The following NINJ2 variants were observed in gnomAD, a reference collection of about 807,000 sequenced individuals.
The protein encoded by NINJ2 is ninjurin 2, also known as ninjurin-2.
A neutral mutation model predicts 11.7 loss-of-function variants in NINJ2; 12 were observed. The ratio of observed to expected loss-of-function variants is 1.02; its 90% CI spans 0.66 to 1.66. The LOEUF is 1.66. NINJ2 is among the 40% of genes most tolerant of loss of function. The probability of loss-of-function intolerance (pLI) is 0.00; values close to 1 mark genes in which losing one functional copy is unlikely to be tolerated. For synonymous variants in NINJ2, 93 were observed against 76.8 expected, an observed-to-expected ratio of 1.21 and a Z score of -1.10; for missense variants, 187 against 181.8, an observed-to-expected ratio of 1.03 and a Z score of -0.16.
chr12:624,828 G>C (rs888910810), intron 1 of NINJ2, among the ~76,000 whole-genome samples: 1 of 150,392 alleles, frequency 6.6e-6, no homozygotes, highest in African/African-American at 2.4e-5. Context: ...AAAAAAGATG[G>C]CTGGGCGCGG....
At chr12:613,633 C>T (rs1021417865) in intron 1 of NINJ2, among the ~76,000 whole-genome samples, 3 of 151,900 alleles carry the variant, frequency 2.0e-5, no homozygotes, top group African/African-American at 4.8e-5. Flanking sequence ...AGGCCGGGCG[C>T]GGTGGCTCAC....
At chr12:571,123 A>T (rs2607940) in intron 1 of NINJ2, among the ~76,000 whole-genome samples, 121,576 of 152,204 alleles carry the variant, frequency 0.8, 49,016 homozygotes, top group African/African-American at 0.9. Flanking sequence ...CAAGACTCAT[A>T]GCTTTGGGCT....
At chr12:621,900 G>A (rs563641312) in intron 1 of NINJ2, among the ~76,000 whole-genome samples, 1 of 152,102 alleles carries the variant, frequency 6.6e-6, no homozygotes, top group Non-Finnish European at 1.5e-5. Context: ...TTGGGAGGCC[G>A]AGGTGGGTGG....
chr12:646,891 C>G (rs1341797019), intron 1 of NINJ2, among the ~76,000 whole-genome samples: 2 of 151,982 alleles, frequency 1.3e-5, no homozygotes, highest in Non-Finnish European at 1.5e-5. Flanking sequence ...GAGTTCACCT[C>G]TGGAGAGGCG....
rs939310249 is a variant in NINJ2, at chr12:640,881, C to T, written c.33+22447G>A. 7 of 152,258 alleles carry T rather than the reference C, an allele frequency of 4.6e-5. No homozygotes were observed. The highest frequency in any genetic ancestry group is 1.7e-4 in the African/African-American group (7 of 41,390). 9.4% of individuals were successfully genotyped at this position (152,258 alleles called of 1,614,324 possible). A position where few individuals can be genotyped will look rare whatever the true frequency, so the allele number is the denominator to read the frequency against. On this transcript the variant is annotated intron_variant, in intron 1 of 3. Coordinates refer to ENST00000305108, the MANE Select transcript of NINJ2 (RefSeq NM_016533.6). The surrounding 1 kb of genome is among the most constrained non-coding windows in gnomAD (Gnocchi z 4.0). ...ATACCCCCATTCCACCACCCCACTC[C>T]AACCCCTCCACTGTGGCTCCAATGT...
intron 1 of NINJ2, among the ~76,000 whole-genome samples, chr12:598,024 C>A (rs531791727): frequency 2.0e-5 from 3 of 152,302 alleles, no homozygotes; most frequent in South Asian, 4.1e-4. Context: ...AGGTCCCCTG[C>A]GGAGAAAGCT....
At chr12:564,922 T>C (rs1246928200) in intron 3 of NINJ2, among the ~76,000 whole-genome samples, 3 of 152,202 alleles carry the variant, frequency 2.0e-5, no homozygotes, top group Non-Finnish European at 4.4e-5. Context: ...AAATTCCCCA[T>C]CTCCACCTTT....
intron 1 of NINJ2, among the ~76,000 whole-genome samples, chr12:570,574 A>G (rs1389221724): frequency 1.3e-5 from 2 of 152,374 alleles, no homozygotes; most frequent in Middle Eastern, 3.4e-3. Context: ...GGTCGGGAAC[A>G]GAGACCCGGG....
intron 1 of NINJ2, chr12:632,494 C>T (rs1640161552): frequency 6.6e-6 from 1 of 152,288 alleles, no homozygotes; most frequent in Admixed American, 6.5e-5. Context: ...GTCTGTGCAT[C>T]TCCCCTGATT....
chr12:613,798 A>G (rs983927026), intron 1 of NINJ2, among the ~76,000 whole-genome samples: 3 of 149,870 alleles, frequency 2.0e-5, no homozygotes, highest in East Asian at 4.0e-4. Context: ...CCAGCTACTC[A>G]GGAGGCTGAG....
chr12:621,998 C>T lies in NINJ2; in HGVS notation c.33+41330G>A, dbSNP rs143199085. 7.2e-5 allele frequency among the ~76,000 whole-genome samples: 11 copies of T among 151,926 alleles called. No individual in the cohort carries two copies. In the East Asian group the frequency reaches 2.1e-3, roughly 29 times the overall value. On this transcript the variant is annotated intron_variant, in intron 1 of 3. Coordinates refer to ENST00000305108, the MANE Select transcript of NINJ2 (RefSeq NM_016533.6). Reference sequence around the variant, plus strand: ...ATTAGCCAGGCATGGTGGCAGGTGCCTGTAATCCCAGCTGCTCAGGAGGCT... The same window carrying T: ...ATTAGCCAGGCATGGTGGCAGGTGCTTGTAATCCCAGCTGCTCAGGAGGCT...
intron 1 of NINJ2, chr12:632,526 C>G (rs538731996): frequency 1.3e-5 from 2 of 152,462 alleles, no homozygotes; most frequent in Non-Finnish European, 2.9e-5. Context: ...GACACTTGCT[C>G]TCTCTTTCTT....
At chr12:567,792 G>A (rs771000332) in intron 1 of NINJ2, among the ~76,000 whole-genome samples, 2 of 152,204 alleles carry the variant, frequency 1.3e-5, no homozygotes, top group Non-Finnish European at 2.9e-5. Context: ...GATCATTTGA[G>A]GTCAGGAGTT....
At chr12:613,044 A>G (rs1266826277) in intron 1 of NINJ2, among the ~76,000 whole-genome samples, 1 of 152,190 alleles carries the variant, frequency 6.6e-6, no homozygotes, top group Non-Finnish European at 1.5e-5. Flanking sequence ...GCTTAGTGAC[A>G]TGTCCAAAGC....
intron 1 of NINJ2, among the ~76,000 whole-genome samples, chr12:657,091 T>G (rs982060674): frequency 2.0e-5 from 3 of 152,202 alleles, no homozygotes; most frequent in Non-Finnish European, 4.4e-5. Context: ...TTGAATATGC[T>G]TACAACTTTT....
At chr12:565,714 T>G in intron 2 of NINJ2, 1 of 624,174 alleles carries the variant, frequency 1.6e-6, no homozygotes, top group Non-Finnish European at 2.9e-6. Context: ...GCGCAGTCAT[T>G]CAGCAGGTAC....
chr12:609,729 C>T (rs1348153231), intron 1 of NINJ2, among the ~76,000 whole-genome samples: 2 of 147,154 alleles, frequency 1.4e-5, no homozygotes, highest in East Asian at 2.0e-4. Context: ...TGAGATTGCA[C>T]CACTGCACTC....
At chr12:659,812 G>T (rs558159587) in intron 1 of NINJ2, among the ~76,000 whole-genome samples, 1 of 152,332 alleles carries the variant, frequency 6.6e-6, no homozygotes, top group African/African-American at 2.4e-5. Context: ...TCTCAGTGCA[G>T]TAGTAGGTGC....
At chr12:624,788 G>C (rs935734806) in intron 1 of NINJ2, among the ~76,000 whole-genome samples, 1 of 134,206 alleles carries the variant, frequency 7.5e-6, no homozygotes, top group African/African-American at 2.8e-5. Context: ...CAACCTGGGA[G>C]ACAGAGTGAG....
Sources: gnomAD v4.1 joint callset for allele counts (sites outside exome capture counted in the v4.1 genomes callset) on GRCh38, gnomAD v4.1.1 for gene constraint, Gnocchi (gnomAD v3.1) non-coding constraint, MANE v1.5 for transcripts, NCBI Gene and HGNC (gene_info 2026-07-23, HGNC 2026-07-21) for gene names.